The following VSTM2A variants were observed in gnomAD, a reference collection of about 807,000 sequenced individuals.
VSTM2A encodes V-set and transmembrane domain-containing protein 2A.
In VSTM2A, 13 loss-of-function variants were observed where a neutral mutation model predicts 27.3. The observed-to-expected ratio is 0.48, with a 90% CI of 0.31 to 0.76. The LOEUF (loss-of-function observed/expected upper bound fraction) is 0.76. Ranked by LOEUF, VSTM2A falls within the 30% of genes least tolerant of loss-of-function variation. The pLI is 0.05. For missense variants in VSTM2A, 280 were observed against 310.0 expected, an observed-to-expected ratio of 0.90 and a Z score of 0.73; for synonymous variants, 142 against 125.7, an observed-to-expected ratio of 1.13 and a Z score of -0.87.
At chr7:54,568,024 G>A (rs539156213) in intron 4 of VSTM2A, among the ~76,000 whole-genome samples, 1 of 152,274 alleles carries the variant, frequency 6.6e-6, no homozygotes, top group Admixed American at 6.5e-5. Context: ...CCAGTCACTA[G>A]GTTTCTGTGA....
intron 2 of VSTM2A, 38 bp from the exon 3 acceptor site, chr7:54,546,909 G>T (rs773360432): frequency 6.3e-7 from 1 of 1,595,804 alleles, no homozygotes. Context: ...GGTCGGGCGG[G>T]CCTGGCGCGG....
At chr7:54,561,737 C>A (rs538795795) in intron 4 of VSTM2A, among the ~76,000 whole-genome samples, 3 of 152,198 alleles carry the variant, frequency 2.0e-5, no homozygotes, top group Admixed American at 2.0e-4. Flanking sequence ...AGGGTAAGGC[C>A]ACTGGCTCAA....
At chr7:54,562,544 G>A (rs1028485552) in intron 4 of VSTM2A, among the ~76,000 whole-genome samples, 1 of 152,172 alleles carries the variant, frequency 6.6e-6, no homozygotes, top group Non-Finnish European at 1.5e-5. Context: ...ACTGACCTCT[G>A]TTTCCTCAAC....
chr7:54,547,030 C>G, intron 3 of VSTM2A, 33 bp downstream of exon 3: 1 of 1,561,826 alleles, frequency 6.4e-7, no homozygotes, highest in Non-Finnish European at 8.6e-7. Context: ...GCCGCGGGCC[C>G]AGGCTCGGGA....
chr7:54,547,128 G>T, intron 3 of VSTM2A, 131 bp downstream of exon 3: 1 of 963,066 alleles, frequency 1.0e-6, no homozygotes, highest in Non-Finnish European at 1.5e-6. Flanking sequence ...TGCCTCATTA[G>T]ATACATACAA....
intron 4 of VSTM2A, among the ~76,000 whole-genome samples, chr7:54,560,996 T>C (rs1788545095): frequency 6.6e-6 from 1 of 152,212 alleles, no homozygotes; most frequent in Non-Finnish European, 1.5e-5. Flanking sequence ...TATAATCTTT[T>C]ATCTTTAGTT....
intron 4 of VSTM2A, among the ~76,000 whole-genome samples, chr7:54,556,201 A>G (rs1788351721): frequency 6.6e-6 from 1 of 152,112 alleles, no homozygotes; most frequent in Admixed American, 6.5e-5. Flanking sequence ...AACAGCTGGT[A>G]TTTGTAAGGA....
rs571277250 is a variant in VSTM2A, at chr7:54,570,625, T to G, written c.*1406T>G. ...ATAATTTTAAATATTCCATTCTTATTTATGTCTTTATGATAATTCAGACTA... is the reference window on the plus strand; with the variant it reads ...ATAATTTTAAATATTCCATTCTTATGTATGTCTTTATGATAATTCAGACTA... On this transcript the variant is annotated 3_prime_UTR_variant, in exon 5 of 5. Coordinates refer to ENST00000402613, the MANE Select transcript of VSTM2A (RefSeq NM_001301009.2). The G allele has an allele frequency of 2.0e-5, 3 of 152,328 alleles. No homozygotes were observed. The highest frequency in any genetic ancestry group is 3.9e-4 in the East Asian group (2 of 5,192). 9.4% of individuals were successfully genotyped at this position (152,328 alleles called of 1,614,324 possible). A position where few individuals can be genotyped will look rare whatever the true frequency, so the allele number is the denominator to read the frequency against.
Position 54,544,779 on chromosome 7 carries a change from C to A in VSTM2A, c.237C>A (p.Ala79=). 7 of 1,606,926 alleles carry A rather than the reference C, an allele frequency of 4.4e-6. No homozygotes were observed. Among genetic ancestry groups the A allele is most frequent in the Non-Finnish European group, 5.1e-6 (6 of 1,177,196 alleles). ...PEDLDPGAEG[A]GAQVELLPDR... ...ACCTGGATCCCGGGGCCGAGGGGGC[C>A]GGCGCGCAGGTAGCGGAGCCCGCCG... The change falls in exon 2 of 5, where the codon GCC becomes GCA. Residue 79 remains alanine, a synonymous_variant. Transcript: ENST00000402613.
At chr7:54,561,186 A>G (rs1463536801) in intron 4 of VSTM2A, among the ~76,000 whole-genome samples, 2 of 152,210 alleles carry the variant, frequency 1.3e-5, no homozygotes, top group African/African-American at 4.8e-5. Context: ...AAAATATTAT[A>G]AGGGTTGTGA....
At position 54,549,685 on chromosome 7, in the gene VSTM2A, T is replaced by C. The variant is rs533928467; in HGVS notation, c.298-149T>C. ...ATAGGATAGCCAAGGCCTTCAGATG[T>C]GACGTTAAGGAAATAAAAAGCTCCT... On this transcript the variant is annotated intron_variant, in intron 3 of 4. Coordinates refer to ENST00000402613, the MANE Select transcript of VSTM2A (RefSeq NM_001301009.2). 7.5e-5 allele frequency: 52 copies of C among 697,064 alleles called. No homozygotes were observed. In the African/African-American group the frequency reaches 8.8e-4, roughly 12 times the overall value. 43.2% of individuals were successfully genotyped at this position (697,064 alleles called of 1,614,324 possible).
rs184083678 is a variant in VSTM2A, at chr7:54,558,535, T to C, written c.634+8365T>C. 5.8e-4 allele frequency: 89 copies of C among 152,190 alleles called. 2 individuals carry two copies. Among genetic ancestry groups the C allele is most frequent in the Admixed American group, 5.8e-3 (88 of 15,290 alleles). The allele number at this position is 152,190 out of a possible 1,614,324, so 9.4% of individuals were successfully genotyped here. The stretch of plus-strand genomic sequence containing the variant: ...TAGGAGAGTAAACCTAGCATGTGAG[T>C]GAGCTCAGCAATGCCTAGTTCTCTA... On this transcript the variant is annotated intron_variant, in intron 4 of 4. Coordinates refer to ENST00000402613, the MANE Select transcript of VSTM2A (RefSeq NM_001301009.2).
At chr7:54,543,070 T>G (rs993328000) in intron 1 of VSTM2A, among the ~76,000 whole-genome samples, 1 of 152,018 alleles carries the variant, frequency 6.6e-6, no homozygotes, top group Admixed American at 6.6e-5. Flanking sequence ...GTGGTGTGTG[T>G]GTGTGGGTGT....
chr7:54,544,809 C>T (rs1410396084), intron 2 of VSTM2A, 21 bp downstream of exon 2: 1 of 1,580,162 alleles, frequency 6.3e-7, no homozygotes, highest in Non-Finnish European at 8.6e-7. Flanking sequence ...CCGCCGACCC[C>T]GCGTCTCCCC....
intron 3 of VSTM2A, chr7:54,547,274 C>T (rs1042008993): frequency 1.0e-5 from 4 of 399,550 alleles, no homozygotes; most frequent in African/African-American, 6.2e-5. Flanking sequence ...ACTTACCTAA[C>T]AGTAAGAGTA....
chr7:54,554,039 C>G (rs2115845137), intron 4 of VSTM2A: 1 of 1,553,036 alleles, frequency 6.4e-7, no homozygotes, highest in Non-Finnish European at 8.7e-7. Flanking sequence ...ATGGATCAAC[C>G]CCTGGTGTGC....
intron 4 of VSTM2A, among the ~76,000 whole-genome samples, chr7:54,554,940 A>G (rs1466517179): frequency 6.6e-6 from 1 of 152,244 alleles, no homozygotes; most frequent in Non-Finnish European, 1.5e-5. Flanking sequence ...TTCATGATAG[A>G]TACCCAGATC....
At chr7:54,562,295 A>G (rs1788586702) in intron 4 of VSTM2A, among the ~76,000 whole-genome samples, 1 of 152,218 alleles carries the variant, frequency 6.6e-6, no homozygotes, top group African/African-American at 2.4e-5. Context: ...GTGGAAAATG[A>G]AATCACATAT....
chr7:54,546,773 C>T, intron 2 of VSTM2A, 174 bp from the exon 3 acceptor site: 1 of 645,822 alleles, frequency 1.5e-6, no homozygotes, highest in Non-Finnish European at 2.5e-6. Flanking sequence ...ATGCCAGGGA[C>T]AGCGTGGGGG....
Sources: allele counts gnomAD v4.1 joint callset (sites outside exome capture counted in the v4.1 genomes callset), GRCh38; gene constraint gnomAD v4.1.1; transcripts MANE v1.5; gene names NCBI Gene and HGNC (gene_info 2026-07-23, HGNC 2026-07-21).